The following ZNF618 variants were observed in gnomAD, a reference collection of about 807,000 sequenced individuals.
ZNF618 encodes the protein zinc finger protein 618, also known as neural precursor cell expressed, developmentally down-regulated 10.
Under a neutral mutation model 103.0 loss-of-function variants are expected in ZNF618, and 34 were observed. The observed-to-expected ratio is 0.33, with a 90% CI of 0.25 to 0.44. The LOEUF is 0.44. Ranked by LOEUF, ZNF618 falls within the 20% of genes least tolerant of loss-of-function variation. ZNF618 has a pLI of 1.00. For missense variants in ZNF618, 1,059 were observed against 1,295.4 expected (o/e 0.82, Z 2.80); for synonymous variants, 551 against 542.2 (o/e 1.02, Z -0.23).
At chr9:113,913,233 T>A (rs1480790135) in intron 1 of ZNF618, among the ~76,000 whole-genome samples, 4 of 152,126 alleles carry the variant, frequency 2.6e-5, no homozygotes, top group Non-Finnish European at 5.9e-5. Flanking sequence ...TATTCCCCCC[T>A]TTTACAGATG....
intron 2 of ZNF618, among the ~76,000 whole-genome samples, chr9:113,982,400 C>T (rs886495831): frequency 6.6e-6 from 1 of 152,044 alleles, no homozygotes; most frequent in Non-Finnish European, 1.5e-5. Flanking sequence ...CCAGCTCTAC[C>T]TCTCGGGGCG....
intron 1 of ZNF618, among the ~76,000 whole-genome samples, chr9:113,882,152 A>G (rs919874158): frequency 2.0e-5 from 3 of 152,210 alleles, no homozygotes; most frequent in Admixed American, 6.5e-5. Context: ...TGGCATCAGC[A>G]GGAAATCCCC....
intron 1 of ZNF618, among the ~76,000 whole-genome samples, chr9:113,949,132 A>T (rs962414586): frequency 3.3e-5 from 5 of 152,194 alleles, no homozygotes; most frequent in Admixed American, 1.3e-4. Context: ...GCACCATGGG[A>T]TGGCTGTAAT....
rs953911438 is a variant in ZNF618, at chr9:113,914,046, C to T, written c.33+37633C>T. Among the ~76,000 whole-genome samples the T allele has an allele frequency of 3.3e-5, 5 of 152,036 alleles. No homozygotes were observed. In the East Asian group the frequency reaches 9.6e-4, roughly 29 times the overall value. On this transcript the variant is annotated intron_variant, in intron 1 of 14. Coordinates refer to ENST00000374126, the MANE Select transcript of ZNF618 (RefSeq NM_001318042.2). ...AGATGAATTTTGTTTATTCAGCCTC[C>T]CCCAACCTGGACCACCCTTTCCCCC... is the stretch of plus-strand genomic sequence containing the variant.
At chr9:113,926,791 T>G (rs1323425742) in intron 1 of ZNF618, among the ~76,000 whole-genome samples, 3 of 152,188 alleles carry the variant, frequency 2.0e-5, no homozygotes, top group African/African-American at 4.8e-5. Context: ...GATGGGTGGA[T>G]CGCTTGAGCT....
intron 13 of ZNF618, among the ~76,000 whole-genome samples, chr9:114,038,570 C>T (rs928071568): frequency 2.6e-5 from 4 of 152,242 alleles, no homozygotes; most frequent in Admixed American, 1.3e-4. Flanking sequence ...TAACACCAAT[C>T]TCATTATGGA....
chr9:114,010,880 T>C (rs568976555), intron 9 of ZNF618, among the ~76,000 whole-genome samples: 2 of 152,310 alleles, frequency 1.3e-5, no homozygotes, highest in Non-Finnish European at 1.5e-5. Flanking sequence ...AGATGGGCTT[T>C]GAAATCAGAC....
intron 1 of ZNF618, among the ~76,000 whole-genome samples, chr9:113,906,331 G>A (rs899835146): frequency 6.6e-6 from 1 of 152,174 alleles, no homozygotes; most frequent in African/African-American, 2.4e-5. Flanking sequence ...GATGCCAGAG[G>A]TTATGGCTCT....
intron 1 of ZNF618, among the ~76,000 whole-genome samples, chr9:113,879,853 G>A (rs542331087): frequency 1.4e-3 from 216 of 151,678 alleles, no homozygotes; most frequent in South Asian, 2.1e-3. Flanking sequence ...TTTGACTTTG[G>A]AGCAAGCTAG....
chr9:114,032,639 A>G lies in ZNF618; in HGVS notation c.1085-6A>G, dbSNP rs1844190266. ...GTTTTCTTTCTCTCTCCTGTCCCCC[A>G]CCCAGCAGAAAGCGCTTTCAGTCGG... is the stretch of plus-strand genomic sequence containing the variant. On this transcript the variant is annotated splice_region_variant and splice_polypyrimidine_tract_variant and intron_variant, in intron 11 of 14. Coordinates refer to ENST00000374126, the MANE Select transcript of ZNF618 (RefSeq NM_001318042.2). 1.2e-6 allele frequency: 2 copies of G among 1,613,628 alleles called. No individual in the cohort carries two copies. The highest frequency in any genetic ancestry group is 1.7e-6 in the Non-Finnish European group (2 of 1,179,664).
At position 114,008,357 on chromosome 9, in the gene ZNF618, A is replaced by G; in HGVS notation, c.654A>G (p.Glu218=). Residue 218 remains glutamate (E), a synonymous_variant, in exon 8 of 15, where the codon GAA becomes GAG. Coordinates refer to ENST00000374126, the MANE Select transcript of ZNF618 (RefSeq NM_001318042.2). ...GCCCGGGCGCAGTGTTTAGTGTGGA[A>G]GGGGCCCCTGAGAACCGGGCAGGTA... is the stretch of plus-strand genomic sequence containing the variant. ...DLHAVDVFSV[E]GAPENRADPF... 1.2e-6 allele frequency: 2 copies of G among 1,613,808 alleles called. No homozygotes were observed. The highest frequency in any genetic ancestry group is 1.7e-6 in the Non-Finnish European group (2 of 1,179,824).
chr9:114,016,017 A>T (rs550492307), intron 9 of ZNF618: 3 of 1,189,386 alleles, frequency 2.5e-6, no homozygotes, highest in South Asian at 1.4e-5. Flanking sequence ...AAGGGGGTAG[A>T]TGCTGCTCTT....
Position 113,911,975 on chromosome 9 carries a change from C to T in ZNF618, c.33+35562C>T, listed in dbSNP as rs149788867. On this transcript the variant is annotated intron_variant, in intron 1 of 14. Coordinates refer to ENST00000374126, the MANE Select transcript of ZNF618 (RefSeq NM_001318042.2). The stretch of plus-strand genomic sequence containing the variant: ...TCTTTAGTGTTAGCTTGTCCTAGAA[C>T]GCGAAGGAGGGCCTGAAACACAGAT... 1.9e-3 allele frequency among the ~76,000 whole-genome samples: 286 copies of T among 152,250 alleles called. 1 individual carries two copies. Among genetic ancestry groups the T allele is most frequent in the African/African-American group, 6.3e-3 (260 of 41,556 alleles).
At chr9:113,879,380 G>GTTTTTTTTTTTTTTTTTTTTTTTTT (rs1333621442) in intron 1 of ZNF618, among the ~76,000 whole-genome samples, 1 of 93,038 alleles carries the variant, frequency 1.1e-5, no homozygotes, top group Non-Finnish European at 2.3e-5. Context: ...TTGTAGAACT[G>GTTTTTTTTTTTTTTTTTTTTTTTTT]TTTTTTTTTT....
intron 1 of ZNF618, among the ~76,000 whole-genome samples, chr9:113,956,577 C>T (rs1375578761): frequency 6.6e-6 from 1 of 152,184 alleles, no homozygotes; most frequent in African/African-American, 2.4e-5. Context: ...TATGGAGCCA[C>T]AGAGAAGCTG....
intron 2 of ZNF618, among the ~76,000 whole-genome samples, chr9:113,978,773 A>T (rs1212644459): frequency 3.3e-5 from 5 of 152,182 alleles, no homozygotes; most frequent in African/African-American, 4.8e-5. Flanking sequence ...AGACTGTGAA[A>T]AGTCACTCTG....
At chr9:113,911,782 C>G (rs937357752) in intron 1 of ZNF618, among the ~76,000 whole-genome samples, 1 of 152,096 alleles carries the variant, frequency 6.6e-6, no homozygotes, top group Non-Finnish European at 1.5e-5. Flanking sequence ...GCTGTACCCT[C>G]GACAGCCCAA....
chr9:113,895,060 ATATTT>A (rs1462771092), intron 1 of ZNF618, among the ~76,000 whole-genome samples: 5 of 151,166 alleles, frequency 3.3e-5, no homozygotes, highest in Non-Finnish European at 5.9e-5. Context: ...ATCAAGTATG[ATATTT>A]TATTTTGGTT....
At chr9:113,900,712 C>G (rs867756574) in intron 1 of ZNF618, among the ~76,000 whole-genome samples, 49 of 136,636 alleles carry the variant, frequency 3.6e-4, no homozygotes, top group East Asian at 2.0e-3. Context: ...CCGTCCTCTC[C>G]CGCAAACCCG....
Sources: allele counts gnomAD v4.1 joint callset (sites outside exome capture counted in the v4.1 genomes callset), GRCh38; gene constraint gnomAD v4.1.1; transcripts MANE v1.5; gene names NCBI Gene and HGNC (gene_info 2026-07-23, HGNC 2026-07-21).